Variants in ARPP21 observed in about 807,000 individuals in gnomAD.
ARPP21 encodes cAMP-regulated phosphoprotein 21.
In ARPP21, 69 loss-of-function variants were observed where a neutral mutation model predicts 113.2. The ratio of observed to expected loss-of-function variants is 0.61; its 90% CI spans 0.50 to 0.74. The LOEUF (loss-of-function observed/expected upper bound fraction) is 0.74. Among genes scored for constraint, ARPP21 ranks in the 30% least tolerant of loss-of-function variants. ARPP21 has a pLI of 0.00. For synonymous variants in ARPP21, 368 were observed against 375.5 expected, an observed-to-expected ratio of 0.98 and a Z score of 0.23; for missense variants, 1,070 against 1,037.4, an observed-to-expected ratio of 1.03 and a Z score of -0.43.
In ARPP21 at chr3:35,717,324, G is replaced by A. The variant is rs1214527358; in HGVS notation, c.962G>A (p.Cys321Tyr). The stretch of plus-strand genomic sequence containing the variant: ...AGGCTCTTGGAAGACAGTAACATAT[G>A]CAATGAGACCTATAAGAAAAGACAG... Reference protein sequence around the residue: ...NSRLLEDSNICNETYKKRQLF... With the variant: ...NSRLLEDSNIYNETYKKRQLF... The change falls in exon 13 of 21, where the codon TGC becomes TAC. Residue 321 changes from cysteine to tyrosine, a missense_variant. Coordinates refer to ENST00000684406, the MANE Select transcript of ARPP21 (RefSeq NM_001385562.1). 1 of 1,607,252 alleles carries A rather than the reference G, an allele frequency of 6.2e-7. No individual in the cohort carries two copies. The highest frequency in any genetic ancestry group is 1.7e-5 in the Admixed American group (1 of 59,986).
intron 19 of ARPP21, among the ~76,000 whole-genome samples, chr3:35,754,684 C>T (rs1367917869): frequency 2.0e-5 from 3 of 151,838 alleles, no homozygotes; most frequent in African/African-American, 4.8e-5. Flanking sequence ...TTCCCAAAAA[C>T]GGTATAGATG....
intron 1 of ARPP21, among the ~76,000 whole-genome samples, chr3:35,646,468 A>G (rs913848867): frequency 3.9e-5 from 6 of 152,128 alleles, no homozygotes; most frequent in Admixed American, 2.0e-4. Flanking sequence ...TGATGTGAGT[A>G]TGTGACAGAA....
intron 15 of ARPP21, among the ~76,000 whole-genome samples, chr3:35,732,761 C>A (rs945788933): frequency 7.2e-5 from 11 of 152,206 alleles, no homozygotes; most frequent in African/African-American, 2.7e-4. Context: ...TTTGCAGTGA[C>A]TTCACTTTGA....
Position 35,738,249 on chromosome 3 carries a change from G to A in ARPP21, c.1680G>A (p.Val560=), listed in dbSNP as rs1348791458. 1 of 1,536,336 alleles carries A rather than the reference G, an allele frequency of 6.5e-7. No homozygotes were observed. The highest frequency in any genetic ancestry group is 8.7e-7 in the Non-Finnish European group (1 of 1,146,820). The change falls in exon 17 of 21, where the codon GTG becomes GTA. Residue 560 remains valine (V), a synonymous_variant. Coordinates refer to ENST00000684406, the MANE Select transcript of ARPP21 (RefSeq NM_001385562.1). ...VQGLQASSQS[V]QYPAVSFPPQ... ...GGCTGCAGGCTTCCTCCCAGTCAGT[G>A]CAATATCCAGCAGTCTCTTTTCCTC...
intron 19 of ARPP21, among the ~76,000 whole-genome samples, chr3:35,769,279 G>A (rs1228701817): frequency 6.6e-6 from 1 of 152,096 alleles, no homozygotes; most frequent in Non-Finnish European, 1.5e-5. Context: ...TGCAACCATA[G>A]GGTATCATAA....
At chr3:35,729,217 G>C in intron 14 of ARPP21, 86 bp from the exon 15 acceptor site, 1 of 870,176 alleles carries the variant, frequency 1.1e-6, no homozygotes, top group African/African-American at 1.6e-5. Flanking sequence ...ATGATGTGTC[G>C]CAGAAAAGTG....
At chr3:35,717,126 G>C (rs1004833657) in intron 12 of ARPP21, among the ~76,000 whole-genome samples, 172 bp from the exon 13 acceptor site, 1 of 151,736 alleles carries the variant, frequency 6.6e-6, no homozygotes, top group Non-Finnish European at 1.5e-5. Context: ...CTAGGGTAGA[G>C]ATCTTAATCC....
intron 19 of ARPP21, among the ~76,000 whole-genome samples, chr3:35,744,792 T>C (rs1250127337): frequency 6.6e-6 from 1 of 152,240 alleles, no homozygotes; most frequent in East Asian, 1.9e-4. Flanking sequence ...ATCTGATTTC[T>C]GCACTGAATC....
Position 35,793,862 on chromosome 3 carries a change from C to T in ARPP21, c.2448C>T (p.Gly816=), listed in dbSNP as rs2096794807. The T allele has an allele frequency of 6.2e-7, 1 of 1,614,120 alleles. No homozygotes were observed. The highest frequency in any genetic ancestry group is 8.5e-7 in the Non-Finnish European group (1 of 1,179,988). Residue 816 remains glycine, a synonymous_variant, in exon 21 of 21, where the codon GGC becomes GGT. Transcript: ENST00000684406. The part of the protein sequence containing the change: ...PTPQNNLRLI[G]PHCPSSTVPV... ...CTCAGAACAACCTTAGGCTGATTGG[C>T]CCACACTGCCCCTCCAGCACTGTCC...
intron 1 of ARPP21, among the ~76,000 whole-genome samples, chr3:35,670,731 A>G (rs1432843375): frequency 6.6e-6 from 1 of 152,114 alleles, no homozygotes; most frequent in African/African-American, 2.4e-5. Flanking sequence ...ACATTGAAAA[A>G]AAAGAAAAAC....
intron 9 of ARPP21, among the ~76,000 whole-genome samples, chr3:35,691,614 T>G (rs2082266301): frequency 6.6e-6 from 1 of 151,510 alleles, no homozygotes; most frequent in Non-Finnish European, 1.5e-5. Flanking sequence ...GGATGACAAG[T>G]TTTTTCCCCC....
chr3:35,684,385 A>G (rs2079908313), intron 5 of ARPP21: 1 of 986,006 alleles, frequency 1.0e-6, no homozygotes, highest in Admixed American at 5.7e-5. Flanking sequence ...TTATTAATAT[A>G]TCACTGCATA....
At chr3:35,715,343 C>T (rs2092230481) in intron 11 of ARPP21, 96 bp from the exon 12 acceptor site, 4 of 956,722 alleles carry the variant, frequency 4.2e-6, no homozygotes, top group South Asian at 2.8e-5. Context: ...TTCTTTTCCC[C>T]TATGAGGGGA....
chr3:35,708,960 T>C lies in ARPP21; in HGVS notation c.796-9T>C. The stretch of plus-strand genomic sequence containing the variant: ...TGGATAACCCTCCTGATTTCTTTTT[T>C]CTGTTCAGCAAAACAGAATGCATCC... On this transcript the variant is annotated splice_polypyrimidine_tract_variant and intron_variant, in intron 10 of 20. Coordinates refer to ENST00000684406, the MANE Select transcript of ARPP21 (RefSeq NM_001385562.1). 3.1e-6 allele frequency: 5 copies of C among 1,606,882 alleles called. No homozygotes were observed. Among genetic ancestry groups the C allele is most frequent in the South Asian group, 1.1e-5 (1 of 90,494 alleles).
intron 18 of ARPP21, among the ~76,000 whole-genome samples, 187 bp from the exon 19 acceptor site, chr3:35,743,652 A>C (rs1171798757): frequency 6.6e-6 from 1 of 152,192 alleles, no homozygotes; most frequent in Non-Finnish European, 1.5e-5. Flanking sequence ...GCTCAGATTT[A>C]AGTTTGGGAA....
intron 19 of ARPP21, among the ~76,000 whole-genome samples, chr3:35,786,361 A>G (rs1274472503): frequency 1.3e-5 from 2 of 151,938 alleles, no homozygotes; most frequent in Non-Finnish European, 2.9e-5. Context: ...ATCTCTACTA[A>G]AAATACAAAA....
intron 15 of ARPP21, among the ~76,000 whole-genome samples, chr3:35,730,359 A>C (rs1165745953): frequency 2.0e-5 from 3 of 152,174 alleles, no homozygotes; most frequent in Non-Finnish European, 4.4e-5. Context: ...GCCATTCCGC[A>C]ATATCTGGAG....
At chr3:35,681,533 A>G in intron 2 of ARPP21, 181 bp from the exon 3 acceptor site, 1 of 515,162 alleles carries the variant, frequency 1.9e-6, no homozygotes, top group Non-Finnish European at 3.5e-6. Context: ...TGGATGGGAC[A>G]ACTGCATCTG....
At chr3:35,753,307 A>G (rs905442847) in intron 19 of ARPP21, among the ~76,000 whole-genome samples, 1 of 152,070 alleles carries the variant, frequency 6.6e-6, no homozygotes, top group Non-Finnish European at 1.5e-5. Context: ...ATGTCAACAT[A>G]TGAATATACA....
Sources: gnomAD v4.1 joint callset for allele counts (sites outside exome capture counted in the v4.1 genomes callset) on GRCh38, gnomAD v4.1.1 for gene constraint, MANE v1.5 for transcripts, NCBI Gene and HGNC (gene_info 2026-07-23, HGNC 2026-07-21) for gene names.